Variants in SMCHD1 observed in about 807,000 individuals in gnomAD.
The protein encoded by SMCHD1 is structural maintenance of chromosomes flexible hinge domain-containing protein 1.
Under a neutral mutation model 254.7 loss-of-function variants are expected in SMCHD1, and 78 were observed. The observed-to-expected ratio is 0.31, with a 90% CI of 0.26 to 0.37. SMCHD1 has a LOEUF of 0.37. Among genes scored for constraint, SMCHD1 ranks in the 10% least tolerant of loss-of-function variants. The pLI is 1.00. For synonymous variants in SMCHD1, 766 were observed against 794.9 expected (o/e 0.96, Z 0.61); for missense variants, 1,840 against 2,408.1 (o/e 0.76, Z 4.94).
At chr18:2,656,785 T>TGGGGC (rs2073076509) in intron 1 of SMCHD1, among the ~76,000 whole-genome samples, 1 of 152,032 alleles carries the variant, frequency 6.6e-6, no homozygotes, top group Non-Finnish European at 1.5e-5. Flanking sequence ...CAGGTCCTTC[T>TGGGGC]GGGGCGGGGC....
Position 2,722,581 on chromosome 18 carries a change from T to C in SMCHD1, c.2521T>C (p.Phe841Leu). Residue 841 changes from phenylalanine to leucine, a missense_variant, in exon 20 of 48, where the codon TTT (phenylalanine) becomes CTT (leucine). Phe to Leu is a conservative substitution (Grantham distance 22). Around this residue, in one of 9 missense-constraint regions of SMCHD1, gnomAD observed 59 missense variants for 99.2 expected, o/e 0.59. Transcript: ENST00000320876. ...LDLPFRVGVP[F>L]NIPLEFQDEF... ...TCTTCCTTTTCGTGTTGGAGTTCCA[T>C]TTAATATCCCTCTGGAGTTTCAGGA... 1 of 1,613,424 alleles carries C rather than the reference T, an allele frequency of 6.2e-7. No homozygotes were observed.
At chr18:2,764,134 T>C (rs2075830075) in intron 37 of SMCHD1, 1 of 182,872 alleles carries the variant, frequency 5.5e-6, no homozygotes. Flanking sequence ...AACTTGTCTT[T>C]GTTACTCATT....
At chr18:2,731,146 T>C (rs1335848097) in intron 24 of SMCHD1, among the ~76,000 whole-genome samples, 1 of 152,222 alleles carries the variant, frequency 6.6e-6, no homozygotes, top group East Asian at 1.9e-4. Flanking sequence ...GATGGTTATG[T>C]GCCTGACATT....
In SMCHD1 at chr18:2,778,451, T is replaced by C. The variant is rs8086632; in HGVS notation, c.5547+212T>C. On this transcript the variant is annotated intron_variant, in intron 44 of 47. Transcript: ENST00000320876. ...TTGGGGCTACGAAATTGTCTAAGAC[T>C]CAAAACAGTGTCTGTTAGGATTGGA... Among the ~76,000 whole-genome samples, 6,980 of 152,264 alleles carry C rather than the reference T, an allele frequency of 0.046. 492 individuals are homozygous for C. The highest frequency in any genetic ancestry group is 0.16 in the African/African-American group (6,529 of 41,512).
chr18:2,740,879 A>ATG, intron 28 of SMCHD1, 58 bp downstream of exon 28: 1 of 968,488 alleles, frequency 1.0e-6, no homozygotes, highest in Non-Finnish European at 1.5e-6. Flanking sequence ...ATGTGTAACA[A>ATG]AAAGTTTGGG....
chr18:2,680,715 G>A (rs1303352100), intron 5 of SMCHD1, among the ~76,000 whole-genome samples: 2 of 152,196 alleles, frequency 1.3e-5, no homozygotes, highest in Non-Finnish European at 2.9e-5. Context: ...AAACCCTGCA[G>A]ACCTCGCATT....
intron 32 of SMCHD1, 89 bp downstream of exon 32, chr18:2,750,596 C>A: frequency 8.9e-7 from 1 of 1,123,054 alleles, no homozygotes. Context: ...GTTAAGTGTG[C>A]TCAGTCTAAT....
intron 5 of SMCHD1, among the ~76,000 whole-genome samples, chr18:2,683,975 A>C (rs2073984821): frequency 6.6e-6 from 1 of 152,124 alleles, no homozygotes; most frequent in East Asian, 1.9e-4. Context: ...CCACACTTAC[A>C]ATTTCATTTA....
intron 40 of SMCHD1, 95 bp from the exon 41 acceptor site, chr18:2,772,155 G>T: frequency 1.9e-6 from 2 of 1,028,920 alleles, no homozygotes; most frequent in Non-Finnish European, 1.3e-6. Context: ...ATATTCTTTA[G>T]TTATCTAAAT....
intron 5 of SMCHD1, among the ~76,000 whole-genome samples, chr18:2,679,499 A>AAAAAAAAAAAAAAAAAAAT: frequency 6.8e-6 from 1 of 147,338 alleles, no homozygotes; most frequent in South Asian, 2.1e-4. Flanking sequence ...AAAAAAAAAA[A>AAAAAAAAAAAAAAAAAAAT]GGAACTCTTG....
At chr18:2,677,934 A>G (rs1022069751) in intron 5 of SMCHD1, among the ~76,000 whole-genome samples, 2 of 152,170 alleles carry the variant, frequency 1.3e-5, no homozygotes, top group Admixed American at 1.3e-4. Context: ...TTGTTAATCT[A>G]CATTTTTAGT....
intron 24 of SMCHD1, among the ~76,000 whole-genome samples, chr18:2,730,310 A>C (rs1275380013): frequency 6.6e-6 from 1 of 152,058 alleles, no homozygotes; most frequent in Admixed American, 6.5e-5. Flanking sequence ...AGCTGGGACT[A>C]CAGGCACCCG....
chr18:2,672,759 G>C (rs983980808), intron 3 of SMCHD1, among the ~76,000 whole-genome samples: 1 of 152,210 alleles, frequency 6.6e-6, no homozygotes, highest in African/African-American at 2.4e-5. Context: ...CAGTTGAACA[G>C]ATGTATTCTG....
rs545740780 is a variant in SMCHD1 at position 2,765,728 on chromosome 18, C to A, written c.4719+1939C>A. ...CCAGTCAGCCGCTTCCATGCCACTT[C>A]TTTTCATTTATTGACATTGAGGACA... On this transcript the variant is annotated intron_variant, in intron 37 of 47. Transcript: ENST00000320876. Among the ~76,000 whole-genome samples, 21 of 152,338 alleles carry A rather than the reference C, an allele frequency of 1.4e-4. 1 individual carries two copies. In the South Asian group the frequency reaches 3.7e-3, roughly 27 times the overall value.
chr18:2,755,961 G>A (rs746445852), intron 34 of SMCHD1, among the ~76,000 whole-genome samples: 1 of 152,098 alleles, frequency 6.6e-6, no homozygotes, highest in African/African-American at 2.4e-5. Flanking sequence ...ATCTGGTTTC[G>A]AATCTCAAAG....
At chr18:2,708,867 CATATATATAT>C (rs763226355) in intron 17 of SMCHD1, among the ~76,000 whole-genome samples, 602 of 8,294 alleles carry the variant, frequency 0.073, 75 homozygotes, top group Admixed American at 0.35. Context: ...TCAATAACTT[CATATATATAT>C]ATATATATAT....
chr18:2,692,576 C>T (rs969264006), intron 7 of SMCHD1, among the ~76,000 whole-genome samples: 1 of 152,138 alleles, frequency 6.6e-6, no homozygotes, highest in African/African-American at 2.4e-5. Context: ...TCTCTTCCAC[C>T]CACTTTCCAC....
At chr18:2,750,606 T>C (rs2075553006) in intron 32 of SMCHD1, 99 bp downstream of exon 32, 1 of 944,866 alleles carries the variant, frequency 1.1e-6, no homozygotes, top group African/African-American at 1.7e-5. Context: ...CTCAGTCTAA[T>C]GTAGGAGACA....
intron 26 of SMCHD1, 147 bp from the exon 27 acceptor site, chr18:2,739,285 T>G: frequency 4.6e-6 from 3 of 651,276 alleles, no homozygotes; most frequent in Non-Finnish European, 8.1e-6. Context: ...TAATAGCAGA[T>G]TATATAAATT....
Sources: gnomAD v4.1 joint callset for allele counts (sites outside exome capture counted in the v4.1 genomes callset) on GRCh38, gnomAD v4.1.1 for gene constraint, gnomAD v4.1.1 regional missense constraint, MANE v1.5 for transcripts, NCBI Gene and HGNC (gene_info 2026-07-23, HGNC 2026-07-21) for gene names.